Variants in SEMA3A observed in about 807,000 individuals in gnomAD.
The protein encoded by SEMA3A is semaphorin 3A, also known as semaphorin-3A.
A neutral mutation model predicts 97.9 loss-of-function variants in SEMA3A; 29 were observed. The observed-to-expected ratio is 0.30, with a 90% CI of 0.22 to 0.40. The LOEUF is 0.40. Among genes scored for constraint, SEMA3A ranks in the 10% least tolerant of loss-of-function variants. SEMA3A has a pLI of 1.00. For missense variants in SEMA3A, 763 were observed against 951.3 expected, an observed-to-expected ratio of 0.80 and a Z score of 2.60; for synonymous variants, 321 against 323.7, an observed-to-expected ratio of 0.99 and a Z score of 0.09.
chr7:84,342,642 T>G (rs2115992384), intron 2 of SEMA3A, among the ~76,000 whole-genome samples: 1 of 152,348 alleles, frequency 6.6e-6, no homozygotes, highest in African/African-American at 2.4e-5. Context: ...TTGTAAATTT[T>G]CCACATCTCT....
intron 6 of SEMA3A, among the ~76,000 whole-genome samples, chr7:84,014,620 G>T (rs1791020368): frequency 1.3e-5 from 2 of 152,106 alleles, no homozygotes; most frequent in African/African-American, 4.8e-5. Flanking sequence ...ATCATACATT[G>T]CAGATGCGTT....
At chr7:84,122,471 A>G (rs1795653549) in intron 3 of SEMA3A, among the ~76,000 whole-genome samples, 1 of 152,148 alleles carries the variant, frequency 6.6e-6, no homozygotes, top group South Asian at 2.1e-4. Flanking sequence ...GCGTCTGCTC[A>G]TAAGATGTGA....
At chr7:84,460,571 A>G (rs57749396) in intron 1 of SEMA3A, among the ~76,000 whole-genome samples, 3,685 of 152,320 alleles carry the variant, frequency 0.024, 138 homozygotes, top group African/African-American at 0.085. Flanking sequence ...ATCAAGTTAA[A>G]TGATTATTCA....
At chr7:84,024,512 C>T (rs1791472749) in intron 6 of SEMA3A, among the ~76,000 whole-genome samples, 1 of 150,834 alleles carries the variant, frequency 6.6e-6, no homozygotes, top group Non-Finnish European at 1.5e-5. Flanking sequence ...CACCACTGCA[C>T]TCCAGCCTGA....
At chr7:84,111,652 G>A (rs1466900294) in intron 3 of SEMA3A, among the ~76,000 whole-genome samples, 4 of 152,218 alleles carry the variant, frequency 2.6e-5, no homozygotes, top group Admixed American at 6.6e-5. Context: ...AATAAAATGC[G>A]AAAGTTTCTA....
intron 1 of SEMA3A, among the ~76,000 whole-genome samples, chr7:84,156,305 A>G (rs982438121): frequency 1.3e-5 from 2 of 152,090 alleles, no homozygotes; most frequent in African/African-American, 4.8e-5. Context: ...GACTCAGTCA[A>G]ATTTGAAGTC....
At chr7:84,485,004 T>G (rs1374506587) in intron 1 of SEMA3A, among the ~76,000 whole-genome samples, 1 of 152,212 alleles carries the variant, frequency 6.6e-6, no homozygotes, top group Non-Finnish European at 1.5e-5. Context: ...GTATGCTTAA[T>G]CTTCTTTAGA....
chr7:83,994,592 G>A (rs1420299812), intron 12 of SEMA3A, among the ~76,000 whole-genome samples: 2 of 142,650 alleles, frequency 1.4e-5, no homozygotes, highest in Admixed American at 7.2e-5. Flanking sequence ...GTGTTAGTGT[G>A]CCCCTGCTGG....
At chr7:84,039,808 T>G (rs754859313) in intron 6 of SEMA3A, among the ~76,000 whole-genome samples, 17 of 152,096 alleles carry the variant, frequency 1.1e-4, no homozygotes, top group African/African-American at 4.1e-4. Context: ...AAAATAAATT[T>G]TAATTAATAA....
chr7:83,981,626 G>C, intron 13 of SEMA3A, 148 bp from the exon 14 acceptor site: 3 of 652,194 alleles, frequency 4.6e-6, no homozygotes, highest in Non-Finnish European at 7.3e-6. Context: ...TTCTTTAAAG[G>C]CCTTCTAGAC....
chr7:84,300,172 AC>A lies in SEMA3A; in HGVS notation c.-83+7034del, dbSNP rs542525154. 3.3e-4 allele frequency among the ~76,000 whole-genome samples: 50 copies of A among 151,944 alleles called. No homozygotes were observed. The South Asian group carries it at 0.01, about 31-fold the overall frequency. On this transcript the variant is annotated intron_variant, in intron 3 of 3. Coordinates refer to the SEMA3A transcript ENST00000424555. Reference sequence around the variant, plus strand: ...AGGAGAAAATAAAATAGAAAAAAAAACAAAATTAGTGGATCAATTAAAGAAG... The same window carrying A: ...AGGAGAAAATAAAATAGAAAAAAAAAAAAATTAGTGGATCAATTAAAGAAG...
chr7:83,974,637 C>G (rs1224195547), intron 15 of SEMA3A, among the ~76,000 whole-genome samples: 1 of 152,128 alleles, frequency 6.6e-6, no homozygotes, highest in African/African-American at 2.4e-5. Context: ...CTTTCAAATA[C>G]TGACGTCAAC....
chr7:84,322,460 A>G (rs1801671360), intron 2 of SEMA3A, among the ~76,000 whole-genome samples: 1 of 151,996 alleles, frequency 6.6e-6, no homozygotes, highest in African/African-American at 2.4e-5. Context: ...GGGCAGGGCC[A>G]GGTGGAGATA....
Position 84,102,588 on chromosome 7 carries a change from C to CTTTTTT in SEMA3A, c.453+7876_453+7881dup, listed in dbSNP as rs3074757. Among the ~76,000 whole-genome samples, 150 of 96,820 alleles carry CTTTTTT rather than the reference C, an allele frequency of 1.5e-3. 3 individuals are homozygous for CTTTTTT. Among genetic ancestry groups the CTTTTTT allele is most frequent in the Admixed American group, 1.9e-3 (13 of 6,902 alleles). 63.5% of individuals were successfully genotyped at this position (96,820 alleles called of 152,430 possible). On this transcript the variant is annotated intron_variant, in intron 4 of 16. Transcript: ENST00000265362. ...TACAGAGAAGGAGATTGCATTATCG[C>CTTTTTT]TTTTTTTTTTTTTTTTTTTTTTTAA...
chr7:84,003,444 A>C (rs780110726), intron 11 of SEMA3A, among the ~76,000 whole-genome samples: 2 of 152,148 alleles, frequency 1.3e-5, no homozygotes, highest in Non-Finnish European at 2.9e-5. Flanking sequence ...ATGATGTGCA[A>C]CTTAGTTAAA....
intron 3 of SEMA3A, among the ~76,000 whole-genome samples, chr7:84,298,723 T>C (rs181548784): frequency 3.0e-4 from 46 of 152,292 alleles, no homozygotes; most frequent in Admixed American, 2.9e-3. Context: ...ATGGTTAATA[T>C]TGAGGGTCAA....
chr7:84,265,523 T>TGTATTATATATATA (rs1799971143), intron 3 of SEMA3A, among the ~76,000 whole-genome samples: 1 of 147,476 alleles, frequency 6.8e-6, no homozygotes, highest in Non-Finnish European at 1.5e-5. Flanking sequence ...AAATATATAA[T>TGTATTATATATATA]TTTATATATT....
intron 1 of SEMA3A, among the ~76,000 whole-genome samples, chr7:84,164,495 A>G (rs1008745272): frequency 1.3e-5 from 2 of 152,100 alleles, no homozygotes; most frequent in African/African-American, 2.4e-5. Flanking sequence ...AAGACTGTAT[A>G]TTTGGATAAT....
chr7:84,119,515 A>G (rs1033314745), intron 3 of SEMA3A, among the ~76,000 whole-genome samples: 4 of 152,212 alleles, frequency 2.6e-5, no homozygotes, highest in Non-Finnish European at 5.9e-5. Context: ...TAAGAAGCTG[A>G]TGATTTTTAG....
Sources: gnomAD v4.1 joint callset for allele counts (sites outside exome capture counted in the v4.1 genomes callset) on GRCh38, gnomAD v4.1.1 for gene constraint, MANE v1.5 for transcripts, NCBI Gene and HGNC (gene_info 2026-07-23, HGNC 2026-07-21) for gene names.